SEC14L5: variants seen among roughly 807,000 people sequenced by gnomAD.
SEC14L5 encodes the protein SEC14 like lipid binding 5, also known as SEC14-like protein 5.
A neutral mutation model predicts 84.6 loss-of-function variants in SEC14L5; 96 were observed. That is an observed-to-expected ratio of 1.13 (90% confidence interval 0.96 to 1.34). SEC14L5 has a LOEUF of 1.34. Ranked by LOEUF, SEC14L5 falls within the 40% of genes most tolerant of loss-of-function variation. SEC14L5 has a pLI of 0.00. For missense variants in SEC14L5, 1,224 were observed against 942.5 expected (o/e 1.30, Z -3.91); for synonymous variants, 546 against 383.4 (o/e 1.42, Z -4.95).
rs377234418 is a variant in SEC14L5 at position 5,005,294 on chromosome 16, G to A, written c.1303-620G>A. Among the ~76,000 whole-genome samples the A allele has an allele frequency of 7.2e-5, 11 of 152,004 alleles. No individual in the cohort carries two copies. The East Asian group carries it at 1.9e-3, about 27-fold the overall frequency. On this transcript the variant is annotated intron_variant, in intron 11 of 15. Transcript: ENST00000251170. ...TGCGCCATTGCACTCAAGCCTGGGA[G>A]ACAGAGCGAGACTCTGTCTCCGAAA... is the stretch of plus-strand genomic sequence containing the variant.
intron 2 of SEC14L5, among the ~76,000 whole-genome samples, chr16:4,981,870 C>A (rs1241088920): frequency 6.6e-6 from 1 of 152,192 alleles, no homozygotes; most frequent in Non-Finnish European, 1.5e-5. Context: ...CTGAACCCCT[C>A]CAGCCTCCAC....
chr16:5,005,736 T>C (rs1955723194), intron 11 of SEC14L5, among the ~76,000 whole-genome samples, 178 bp from the exon 12 acceptor site: 1 of 149,130 alleles, frequency 6.7e-6, no homozygotes, highest in Non-Finnish European at 1.5e-5. Context: ...TGGTGGTGGG[T>C]GCCTGTAGTC....
At chr16:4,960,895 G>A (rs1039890438) in intron 2 of SEC14L5, among the ~76,000 whole-genome samples, 1 of 152,194 alleles carries the variant, frequency 6.6e-6, no homozygotes, top group African/African-American at 2.4e-5. Context: ...CCAGGGGATG[G>A]TGAAGAGATC....
intron 2 of SEC14L5, among the ~76,000 whole-genome samples, chr16:4,963,812 C>G (rs1955159743): frequency 6.6e-6 from 1 of 152,134 alleles, no homozygotes; most frequent in Non-Finnish European, 1.5e-5. Context: ...CAAGCATGCA[C>G]CACCATACCC....
Position 4,987,719 on chromosome 16 carries a change from G to C in SEC14L5, c.213+13G>C. 6.7e-7 allele frequency: 1 copy of C among 1,484,648 alleles called. No homozygotes were observed. Among genetic ancestry groups the C allele is most frequent in the Non-Finnish European group, 8.9e-7 (1 of 1,125,258 alleles). 92.0% of individuals were successfully genotyped at this position (1,484,648 alleles called of 1,614,324 possible). Reference sequence around the variant, plus strand: ...GCTGCTGCGGAAGGTGGGCGGCCCTGGGGCTGGGGGGCGGAGGAGGGGACC... The same window carrying C: ...GCTGCTGCGGAAGGTGGGCGGCCCTCGGGCTGGGGGGCGGAGGAGGGGACC... On this transcript the variant is annotated intron_variant, in intron 3 of 15. Coordinates refer to ENST00000251170, the MANE Select transcript of SEC14L5 (RefSeq NM_014692.2).
At chr16:4,964,121 C>A (rs866182189) in intron 2 of SEC14L5, among the ~76,000 whole-genome samples, 1 of 152,182 alleles carries the variant, frequency 6.6e-6, no homozygotes, top group Non-Finnish European at 1.5e-5. Context: ...GTCCGTCAGT[C>A]CTTTGAATGC....
At chr16:5,007,306 G>C in intron 12 of SEC14L5, 46 bp from the exon 13 acceptor site, 1 of 1,595,758 alleles carries the variant, frequency 6.3e-7, no homozygotes, top group Non-Finnish European at 8.6e-7. Context: ...AGGCCAGCCA[G>C]GCCTCAACTG....
chr16:4,990,822 T>C lies in SEC14L5; in HGVS notation c.401T>C (p.Ile134Thr). Residue 134 changes from isoleucine to threonine, a missense_variant, in exon 5 of 16, where the codon ATT (isoleucine) becomes ACT (threonine). Transcript: ENST00000251170. ...TTCGAGCAGTCTGCCTCACTGGACA[T>C]TCGGTCTTTCTTTGGCTTTGAAAAT... ...TCFEQSASLD[I>T]RSFFGFENAL... 1.9e-6 allele frequency: 3 copies of C among 1,612,162 alleles called. No individual in the cohort carries two copies. The highest frequency in any genetic ancestry group is 2.5e-6 in the Non-Finnish European group (3 of 1,179,018).
chr16:5,005,428 G>C (rs969337411), intron 11 of SEC14L5, among the ~76,000 whole-genome samples: 11 of 151,928 alleles, frequency 7.2e-5, no homozygotes, highest in Admixed American at 6.6e-4. Context: ...GGTGGGGTGG[G>C]AATGGGGTTT....
intron 2 of SEC14L5, among the ~76,000 whole-genome samples, chr16:4,980,004 A>T (rs1407206403): frequency 6.6e-6 from 1 of 152,174 alleles, no homozygotes; most frequent in African/African-American, 2.4e-5. Context: ...GAGGCAGGAC[A>T]CAGTGATTCA....
chr16:4,994,989 C>G (rs1014392191), intron 6 of SEC14L5, among the ~76,000 whole-genome samples: 7 of 152,168 alleles, frequency 4.6e-5, no homozygotes, highest in Non-Finnish European at 1.0e-4. Flanking sequence ...CTCACTCCCT[C>G]CCTGATTCCA....
chr16:5,001,573 G>C (rs1173264042), intron 10 of SEC14L5, among the ~76,000 whole-genome samples: 1 of 151,980 alleles, frequency 6.6e-6, no homozygotes. Context: ...TTTGCTTTTT[G>C]AGATCAGCTC....
intron 2 of SEC14L5, among the ~76,000 whole-genome samples, chr16:4,987,013 A>T (rs982554759): frequency 6.6e-6 from 1 of 152,056 alleles, no homozygotes; most frequent in East Asian, 1.9e-4. Context: ...TTCCAACTGG[A>T]TGGCTTTTAT....
At chr16:4,993,025 TAACTA>T (rs147576304) in intron 6 of SEC14L5, among the ~76,000 whole-genome samples, 3,212 of 151,728 alleles carry the variant, frequency 0.021, 120 homozygotes, top group African/African-American at 0.072. Context: ...GGTTGCACCA[TAACTA>T]ATTTATTAAT....
chr16:4,978,428 G>A (rs28785793), intron 2 of SEC14L5, among the ~76,000 whole-genome samples: 20,983 of 52,048 alleles, frequency 0.4, 6,409 homozygotes, highest in Middle Eastern at 0.42. Flanking sequence ...AAAAAAAAAG[G>A]AAAAAAAAGA....
Position 4,988,203 on chromosome 16 carries a change from G to A in SEC14L5, c.268G>A (p.Glu90Lys). Residue 90 changes from glutamate (E) to lysine (K), a missense_variant, in exon 4 of 16, where the codon GAG (glutamate) becomes AAG (lysine). Transcript: ENST00000251170. ...FVQTNILNWK[E>K]RTLLIEAHNE... ...GCAGACAAACATCTTGAACTGGAAG[G>A]AGAGGACGCTCCTCATCGAAGCGCA... 4 of 1,613,836 alleles carry A rather than the reference G, an allele frequency of 2.5e-6. No individual in the cohort carries two copies. The Admixed American group carries it at 6.7e-5, about 27-fold the overall frequency.
intron 8 of SEC14L5, among the ~76,000 whole-genome samples, chr16:4,999,990 G>C (rs1009205806): frequency 6.6e-6 from 1 of 151,936 alleles, no homozygotes; most frequent in Admixed American, 6.6e-5. Context: ...ATATTGATTG[G>C]TTGACAAAAA....
Position 4,990,895 on chromosome 16 carries a change from G to C in SEC14L5, c.474G>C (p.Arg158Ser), listed in dbSNP as rs967782804. ...AMKQYTANVK[R>S]GKEVIEHYLN... ...AGCAGTACACCGCCAACGTCAAGAG[G>C]GTAAGCGGTGGGTTGCGTTAGTTAC... The change falls in exon 5 of 16, where the codon AGG becomes AGC. Residue 158 changes from arginine to serine, a missense_variant and splice_region_variant. Physicochemically the swap from Arg to Ser is moderately radical, Grantham distance 110 (BLOSUM62 -1). Coordinates refer to ENST00000251170, the MANE Select transcript of SEC14L5 (RefSeq NM_014692.2). 4.4e-6 allele frequency: 7 copies of C among 1,582,056 alleles called. No individual in the cohort carries two copies. The highest frequency in any genetic ancestry group is 1.7e-4 in the Middle Eastern group (1 of 6,010).
rs750351296 is a variant in SEC14L5, at chr16:5,008,690, C to G, written c.1800+42C>G. 1.8e-5 allele frequency: 28 copies of G among 1,539,970 alleles called. No individual in the cohort carries two copies. The Admixed American group carries it at 4.9e-4, about 27-fold the overall frequency. On this transcript the variant is annotated intron_variant, in intron 14 of 15. Transcript: ENST00000251170. ...CCACTCATTCGCTCACCAAGCAGCA[C>G]TGAGTGTCCACTGCGTGCCAGGCTT...
Sources: allele counts gnomAD v4.1 joint callset (sites outside exome capture counted in the v4.1 genomes callset), GRCh38; gene constraint gnomAD v4.1.1; transcripts MANE v1.5; gene names NCBI Gene and HGNC (gene_info 2026-07-23, HGNC 2026-07-21).